MPDZ: variants seen among roughly 807,000 people sequenced by gnomAD.
MPDZ encodes multiple PDZ domain protein.
MPDZ carries 234 observed loss-of-function variants against 239.1 expected under a neutral mutation model. That is an observed-to-expected ratio of 0.98 (90% CI 0.88 to 1.09). The LOEUF (loss-of-function observed/expected upper bound fraction) is 1.09, where lower values mean the gene tolerates loss of function less well. Among genes scored for constraint, MPDZ ranks in the 50% least tolerant of loss-of-function variants. The probability of loss-of-function intolerance (pLI) is 0.00; values close to 1 mark genes in which losing one functional copy is unlikely to be tolerated. For synonymous variants in MPDZ, 1,048 were observed against 881.3 expected (o/e 1.19, Z -3.35); for missense variants, 3,175 against 2,510.0 (o/e 1.26, Z -5.66).
At chr9:13,266,856 G>T (rs1440618377) in intron 1 of MPDZ, among the ~76,000 whole-genome samples, 1 of 152,148 alleles carries the variant, frequency 6.6e-6, no homozygotes, top group Non-Finnish European at 1.5e-5. Flanking sequence ...GAGGAGGAAG[G>T]AATTAAGAAG....
In MPDZ at chr9:13,195,180, C is replaced by T. The variant is rs112895529; in HGVS notation, c.1656+941G>A. ...CTGCATGCCTGTAGTCCAAGCTACT[C>T]GGAAGGCTGAGGCAGGAGAAAAGTT... On this transcript the variant is annotated intron_variant, in intron 13 of 46. Transcript: ENST00000319217. 6.7e-3 allele frequency among the ~76,000 whole-genome samples: 1,011 copies of T among 151,954 alleles called. 10 individuals carry two copies. Among genetic ancestry groups the T allele is most frequent in the African/African-American group, 0.024 (975 of 41,418 alleles).
Position 13,216,868 on chromosome 9 carries a change from A to G in MPDZ, c.1202-6T>C, listed in dbSNP as rs1958413558. 1 of 1,601,112 alleles carries G rather than the reference A, an allele frequency of 6.2e-7. No individual in the cohort carries two copies. Among genetic ancestry groups the G allele is most frequent in the Non-Finnish European group, 8.5e-7 (1 of 1,172,004 alleles). ...TACAAAGATTCCTGAAGGTTCTAAG[A>G]TTAGAAATAGTTTATTTTTCACAAT... On this transcript the variant is annotated splice_polypyrimidine_tract_variant and splice_region_variant and intron_variant, in intron 9 of 46. Transcript: ENST00000319217.
rs541935356 is a variant in MPDZ at position 13,190,793 on chromosome 9, A to G, written c.1969-494T>C. On this transcript the variant is annotated intron_variant, in intron 15 of 46. Transcript: ENST00000319217. The stretch of plus-strand genomic sequence containing the variant: ...TAACAAATTAACATACACAGTGGCA[A>G]AACATAAGATTTGAAATCAGATTTG... Among the ~76,000 whole-genome samples the G allele has an allele frequency of 3.3e-5, 5 of 152,302 alleles. No homozygotes were observed. The East Asian group carries it at 9.7e-4, about 29-fold the overall frequency.
chr9:13,115,818 G>A (rs551481012), intron 39 of MPDZ, among the ~76,000 whole-genome samples: 100 of 151,694 alleles, frequency 6.6e-4, no homozygotes, highest in African/African-American at 9.9e-4. Context: ...GGTGGCAGGC[G>A]CCTGTAGTCC....
chr9:13,216,996 A>G, intron 9 of MPDZ, 134 bp from the exon 10 acceptor site: 1 of 805,918 alleles, frequency 1.2e-6, no homozygotes, highest in Non-Finnish European at 1.9e-6. Flanking sequence ...GCTAAAGAAT[A>G]AGATAATTGT....
chr9:13,110,542 CAGA>C (rs1441567984), intron 44 of MPDZ, 91 bp downstream of exon 44: 1 of 821,020 alleles, frequency 1.2e-6, no homozygotes, highest in Non-Finnish European at 2.0e-6. Context: ...AAAATAATAG[CAGA>C]AGATTTAATC....
chr9:13,217,878 T>C (rs1958561962), intron 8 of MPDZ, among the ~76,000 whole-genome samples: 1 of 151,826 alleles, frequency 6.6e-6, no homozygotes, highest in East Asian at 1.9e-4. Context: ...TAACTGAAAG[T>C]GGGTTTCTCA....
chr9:13,250,209 A>G, intron 2 of MPDZ, 91 bp downstream of exon 2: 1 of 1,220,246 alleles, frequency 8.2e-7, no homozygotes, highest in African/African-American at 1.5e-5. Flanking sequence ...CATAGACAGA[A>G]TCCTGCTATG....
At chr9:13,270,870 T>A (rs564430583) in intron 1 of MPDZ, among the ~76,000 whole-genome samples, 1 of 152,184 alleles carries the variant, frequency 6.6e-6, no homozygotes, top group Non-Finnish European at 1.5e-5. Context: ...AAATTACTCC[T>A]TTGTTATCCA....
At chr9:13,263,913 C>G (rs957730868) in intron 1 of MPDZ, among the ~76,000 whole-genome samples, 1 of 152,080 alleles carries the variant, frequency 6.6e-6, no homozygotes, top group Admixed American at 6.5e-5. Flanking sequence ...TATATATAAG[C>G]TAATACTAAA....
rs149554255 is a variant in MPDZ at position 13,235,280 on chromosome 9, G to A, written c.184-10697C>T. Among the ~76,000 whole-genome samples, 398 of 152,232 alleles carry A rather than the reference G, an allele frequency of 2.6e-3. 3 individuals are homozygous for A. Among genetic ancestry groups the A allele is most frequent in the African/African-American group, 9.3e-3 (386 of 41,566 alleles). ...GTAGCTCCTAGCTCCTGAACTAAAT[G>A]AGACACAAAATGGAGCAATAAGTTA... On this transcript the variant is annotated intron_variant, in intron 3 of 46. Coordinates refer to ENST00000319217, the MANE Select transcript of MPDZ (RefSeq NM_001378778.1).
intron 10 of MPDZ, among the ~76,000 whole-genome samples, chr9:13,214,773 T>C (rs946411800): frequency 2.6e-5 from 4 of 152,028 alleles, no homozygotes; most frequent in Admixed American, 6.6e-5. Context: ...TTACATTGTA[T>C]GGTAAAATGG....
Position 13,193,311 on chromosome 9 carries a change from C to A in MPDZ, c.1659G>T (p.Val553=), listed in dbSNP as rs764847906. Residue 553 remains valine (V), a splice_region_variant and synonymous_variant, in exon 14 of 47, where the codon GTG becomes GTT. Coordinates refer to ENST00000319217, the MANE Select transcript of MPDZ (RefSeq NM_001378778.1). The part of the protein sequence containing the change: ...RIMGINYEIV[V]AHVSKFSENS... ...TCTCACTAAACTTGCTCACATGGGC[C>A]ACCTGAAAAGAAAAAAAAAAAGATC... The A allele has an allele frequency of 5.1e-6, 8 of 1,579,392 alleles. No individual in the cohort carries two copies. In the African/African-American group the frequency reaches 9.6e-5, roughly 19 times the overall value.
intron 3 of MPDZ, among the ~76,000 whole-genome samples, chr9:13,238,302 C>T (rs1964586857): frequency 1.3e-5 from 2 of 152,154 alleles, no homozygotes; most frequent in South Asian, 4.1e-4. Context: ...ATGGCAAGAG[C>T]CAAGTGGAAA....
At chr9:13,116,953 T>A (rs979675579) in intron 39 of MPDZ, among the ~76,000 whole-genome samples, 1 of 152,086 alleles carries the variant, frequency 6.6e-6, no homozygotes, top group Non-Finnish European at 1.5e-5. Context: ...CCCTTTATTA[T>A]AGGGGGGAAT....
chr9:13,134,586 A>G (rs983082132), intron 31 of MPDZ: 1 of 152,138 alleles, frequency 6.6e-6, no homozygotes, highest in Admixed American at 6.5e-5. Context: ...AAGTTCCTCT[A>G]ATTTTAAGCT....
At chr9:13,195,044 T>C (rs1955463387) in intron 13 of MPDZ, among the ~76,000 whole-genome samples, 1 of 151,842 alleles carries the variant, frequency 6.6e-6, no homozygotes, top group Admixed American at 6.6e-5. Flanking sequence ...TCCCAGCAAT[T>C]TGGGAGGCTG....
chr9:13,263,013 T>C (rs531802936), intron 1 of MPDZ, among the ~76,000 whole-genome samples: 3 of 152,290 alleles, frequency 2.0e-5, no homozygotes, highest in South Asian at 2.1e-4. Context: ...TGGGGGAATT[T>C]AGCTTTCTCT....
At chr9:13,198,910 G>T (rs777124157) in intron 12 of MPDZ, among the ~76,000 whole-genome samples, 7 of 151,620 alleles carry the variant, frequency 4.6e-5, no homozygotes, top group Non-Finnish European at 4.4e-5. Context: ...TTTTAGGGTT[G>T]TTTTCTCTAT....
Sources: allele counts gnomAD v4.1 joint callset (sites outside exome capture counted in the v4.1 genomes callset), GRCh38; gene constraint gnomAD v4.1.1; transcripts MANE v1.5; gene names NCBI Gene and HGNC (gene_info 2026-07-23, HGNC 2026-07-21).